MCTP1: variants seen among roughly 807,000 people sequenced by gnomAD.
The protein encoded by MCTP1 is multiple C2 and transmembrane domain containing 1.
MCTP1 carries 69 observed loss-of-function variants against 120.6 expected under a neutral mutation model. The observed-to-expected ratio is 0.57, with a 90% CI of 0.47 to 0.70. The LOEUF is 0.70. Ranked by LOEUF, MCTP1 falls within the 30% of genes least tolerant of loss-of-function variation. The pLI, the probability that MCTP1 is intolerant of heterozygous loss-of-function variation, is 0.00. For synonymous variants in MCTP1, 529 were observed against 493.1 expected (o/e 1.07, Z -0.96); for missense variants, 1,203 against 1,248.8 (o/e 0.96, Z 0.55).
intron 19 of MCTP1, among the ~76,000 whole-genome samples, chr5:94,718,950 AC>A (rs953359250): frequency 4.6e-5 from 7 of 152,082 alleles, no homozygotes; most frequent in Non-Finnish European, 7.4e-5. Flanking sequence ...CGAACTCCTG[AC>A]CCCAGGTGAT....
In MCTP1 at chr5:95,123,811, G is replaced by A. The variant is rs146184314; in HGVS notation, c.721-106327C>T. On this transcript the variant is annotated intron_variant, in intron 1 of 22. Transcript: ENST00000515393. ...ACTACAGGCGCCCGCCACTGCGCCC[G>A]GCTAATTTTCTGTATTTTTAATAGA... Among the ~76,000 whole-genome samples, 1,090 of 152,088 alleles carry A rather than the reference G, an allele frequency of 7.2e-3. 13 individuals carry two copies. Among genetic ancestry groups the A allele is most frequent in the African/African-American group, 0.025 (1,052 of 41,494 alleles).
intron 3 of MCTP1, among the ~76,000 whole-genome samples, chr5:94,944,420 G>T (rs1473078181): frequency 2.0e-5 from 3 of 152,122 alleles, no homozygotes; most frequent in Non-Finnish European, 4.4e-5. Flanking sequence ...CTGCAGCAGT[G>T]TATTTCACAA....
intron 17 of MCTP1, among the ~76,000 whole-genome samples, chr5:94,828,385 G>A (rs1258776726): frequency 1.3e-5 from 2 of 152,204 alleles, no homozygotes; most frequent in Non-Finnish European, 1.5e-5. Context: ...TGAGGCGTCT[G>A]TCGACCTGTG....
chr5:95,260,647 C>G (rs893920906), intron 1 of MCTP1, among the ~76,000 whole-genome samples: 10 of 151,870 alleles, frequency 6.6e-5, no homozygotes, highest in Non-Finnish European at 1.0e-4. Flanking sequence ...CTCCCCTTCC[C>G]ATTGCAATTT....
chr5:95,252,372 A>G (rs191246382), intron 1 of MCTP1, among the ~76,000 whole-genome samples: 1 of 152,278 alleles, frequency 6.6e-6, no homozygotes, highest in African/African-American at 2.4e-5. Flanking sequence ...TTGCATTTCA[A>G]AAAGATGGTT....
chr5:95,269,363 T>C (rs1158272926), intron 1 of MCTP1, among the ~76,000 whole-genome samples: 1 of 152,212 alleles, frequency 6.6e-6, no homozygotes, highest in Non-Finnish European at 1.5e-5. Flanking sequence ...AGACTAAATA[T>C]GGAATGTATA....
chr5:94,871,206 G>T, intron 14 of MCTP1, 109 bp downstream of exon 14: 2 of 762,680 alleles, frequency 2.6e-6, no homozygotes, highest in South Asian at 1.6e-5. Flanking sequence ...TCTTATTACA[G>T]ACCTTGGTTG....
chr5:94,853,846 G>C (rs1244636582), intron 17 of MCTP1, among the ~76,000 whole-genome samples: 2 of 151,808 alleles, frequency 1.3e-5, no homozygotes, highest in Admixed American at 1.3e-4. Flanking sequence ...GCTATTTAGG[G>C]GTGGCCTTAT....
intron 2 of MCTP1, among the ~76,000 whole-genome samples, chr5:94,991,722 AAAAAATT>A (rs1298631533): frequency 6.6e-6 from 1 of 151,694 alleles, no homozygotes; most frequent in Non-Finnish European, 1.5e-5. Flanking sequence ...AAAAATACAA[AAAAAATT>A]AGCCAGGCAT....
At chr5:94,749,056 G>C (rs1767606020) in intron 19 of MCTP1, among the ~76,000 whole-genome samples, 1 of 152,132 alleles carries the variant, frequency 6.6e-6, no homozygotes, top group Non-Finnish European at 1.5e-5. Flanking sequence ...GTGATGATCT[G>C]AAGTTATGTT....
chr5:94,782,997 G>A (rs943052442), intron 18 of MCTP1, among the ~76,000 whole-genome samples: 1 of 152,012 alleles, frequency 6.6e-6, no homozygotes, highest in Non-Finnish European at 1.5e-5. Context: ...ATCAAACAAA[G>A]GAAGGGCACT....
At chr5:94,861,501 C>G (rs1434580812) in intron 17 of MCTP1, among the ~76,000 whole-genome samples, 1 of 151,792 alleles carries the variant, frequency 6.6e-6, no homozygotes, top group Non-Finnish European at 1.5e-5. Flanking sequence ...GACTGAATCT[C>G]TGTTATAATT....
At chr5:95,127,885 T>C (rs1758749259) in intron 1 of MCTP1, among the ~76,000 whole-genome samples, 1 of 152,114 alleles carries the variant, frequency 6.6e-6, no homozygotes, top group South Asian at 2.1e-4. Flanking sequence ...AAAGTGCTGG[T>C]GCAATCTGAA....
chr5:95,123,047 C>A (rs1403503776), intron 1 of MCTP1, among the ~76,000 whole-genome samples: 1 of 152,018 alleles, frequency 6.6e-6, no homozygotes. Flanking sequence ...AGTATAAAAC[C>A]TAGTATTTGA....
At chr5:94,925,523 C>T (rs559105484) in intron 6 of MCTP1, among the ~76,000 whole-genome samples, 19 of 152,228 alleles carry the variant, frequency 1.2e-4, no homozygotes, top group Non-Finnish European at 2.6e-4. Flanking sequence ...ATTCTCCTGC[C>T]TCAGCCTCCC....
chr5:95,269,361 T>C (rs145810941), intron 1 of MCTP1, among the ~76,000 whole-genome samples: 207 of 152,308 alleles, frequency 1.4e-3, no homozygotes, highest in African/African-American at 4.2e-3. Context: ...CTAGACTAAA[T>C]ATGGAATGTA....
Position 94,704,865 on chromosome 5 carries a change from GATTC to G in MCTP1, c.*2627_*2630del, listed in dbSNP as rs1422600955. ...TGCACTAGGATAATCTGAGTTGGGA[GATTC>G]AATCAATCAATCAGTTTGAGTCTGG... is the stretch of plus-strand genomic sequence containing the variant. On this transcript the variant is annotated 3_prime_UTR_variant, in exon 23 of 23. Transcript: ENST00000515393. The G allele has an allele frequency of 1.3e-5, 2 of 151,116 alleles. No individual in the cohort carries two copies. Among genetic ancestry groups the G allele is most frequent in the East Asian group, 4.0e-4 (2 of 4,968 alleles). The allele number at this position is 151,116 out of a possible 1,614,324, so 9.4% of individuals were successfully genotyped here.
chr5:95,271,314 C>T (rs548817436), intron 1 of MCTP1, among the ~76,000 whole-genome samples: 5 of 152,304 alleles, frequency 3.3e-5, no homozygotes, highest in African/African-American at 7.2e-5. Context: ...CAGCCACCCA[C>T]GACATAGGAA....
At chr5:94,773,392 G>A (rs1774535411) in intron 19 of MCTP1, among the ~76,000 whole-genome samples, 1 of 152,120 alleles carries the variant, frequency 6.6e-6, no homozygotes. Flanking sequence ...ATATATCCAA[G>A]GAACACAAGG....
Sources: allele counts gnomAD v4.1 joint callset (sites outside exome capture counted in the v4.1 genomes callset), GRCh38; gene constraint gnomAD v4.1.1; transcripts MANE v1.5; gene names NCBI Gene and HGNC (gene_info 2026-07-23, HGNC 2026-07-21).